Variants in ADIPOR2 observed in about 807,000 individuals in gnomAD.
ADIPOR2 encodes the protein adiponectin receptor protein 2.
In ADIPOR2, 18 loss-of-function variants were observed where a neutral mutation model predicts 40.9. The ratio of observed to expected loss-of-function variants is 0.44; its 90% confidence interval spans 0.30 to 0.65. The LOEUF (loss-of-function observed/expected upper bound fraction) is 0.65, where lower values mean the gene tolerates loss of function less well. Ranked by LOEUF, ADIPOR2 falls within the 30% of genes least tolerant of loss-of-function variation. ADIPOR2 has a pLI of 0.09. For missense variants in ADIPOR2, 283 were observed against 479.2 expected (o/e 0.59, Z 3.82); for synonymous variants, 165 against 166.4 (o/e 0.99, Z 0.06).
chr12:1,783,130 G>T (rs1226447284), intron 6 of ADIPOR2, among the ~76,000 whole-genome samples: 1 of 151,254 alleles, frequency 6.6e-6, no homozygotes, highest in African/African-American at 2.4e-5. Flanking sequence ...GAGCCACTGC[G>T]CCCAGCCTTA....
At position 1,777,834 on chromosome 12, in the gene ADIPOR2, T is replaced by A. The variant is rs758687131; in HGVS notation, c.292-20T>A. ...TGACAACTAAAATCACAAAGATGTT[T>A]GATAATACCTCTCTGCCAGGTATGG... On this transcript the variant is annotated intron_variant, in intron 3 of 7. Coordinates refer to ENST00000357103, the MANE Select transcript of ADIPOR2 (RefSeq NM_024551.3). 1 of 1,597,846 alleles carries A rather than the reference T, an allele frequency of 6.3e-7. No homozygotes were observed. Among genetic ancestry groups the A allele is most frequent in the Non-Finnish European group, 8.5e-7 (1 of 1,171,190 alleles).
At chr12:1,727,998 C>T (rs1265735363) in intron 1 of ADIPOR2, among the ~76,000 whole-genome samples, 1 of 152,128 alleles carries the variant, frequency 6.6e-6, no homozygotes, top group Non-Finnish European at 1.5e-5. Context: ...GCTGAGCTCC[C>T]CTACTTGCTG....
At chr12:1,705,788 A>G (rs1453616548) in intron 1 of ADIPOR2, among the ~76,000 whole-genome samples, 2 of 152,208 alleles carry the variant, frequency 1.3e-5, no homozygotes, top group African/African-American at 4.8e-5. Flanking sequence ...AGCTTTGACC[A>G]CTACCAGTGG....
At chr12:1,730,367 C>T (rs947448864) in intron 1 of ADIPOR2, among the ~76,000 whole-genome samples, 2 of 151,948 alleles carry the variant, frequency 1.3e-5, no homozygotes, top group African/African-American at 4.8e-5. Context: ...CCTGTAATCT[C>T]AGCACTTTGG....
Position 1,772,855 on chromosome 12 carries a change from A to C in ADIPOR2, c.185A>C (p.His62Pro), listed in dbSNP as rs1001713610. ...ATTGCCTTGCAGAGCTCTGAGGAAC[A>C]TGAATACAGTGATGAAGCTCCTCAG... The part of the protein sequence containing the change: ...SSHHKKSSEE[H>P]EYSDEAPQED... The change falls in exon 3 of 8, where the codon CAT becomes CCT. Residue 62 changes from histidine (H) to proline (P), a missense_variant. Transcript: ENST00000357103. The C allele has an allele frequency of 4.3e-6, 7 of 1,612,348 alleles. No individual in the cohort carries two copies. In the Admixed American group the frequency reaches 1.2e-4, roughly 27 times the overall value.
At chr12:1,705,187 A>G (rs1184542805) in intron 1 of ADIPOR2, among the ~76,000 whole-genome samples, 1 of 152,212 alleles carries the variant, frequency 6.6e-6, no homozygotes, top group Non-Finnish European at 1.5e-5. Context: ...TTATCTGAAC[A>G]GATTTTATTT....
intron 1 of ADIPOR2, among the ~76,000 whole-genome samples, chr12:1,711,256 A>G (rs528420490): frequency 2.6e-5 from 4 of 152,242 alleles, no homozygotes; most frequent in African/African-American, 9.6e-5. Context: ...AAATCCTTTG[A>G]GAGTGTGTGG....
chr12:1,719,083 A>G (rs971665606), intron 1 of ADIPOR2, among the ~76,000 whole-genome samples: 2 of 152,054 alleles, frequency 1.3e-5, no homozygotes, highest in Non-Finnish European at 2.9e-5. Flanking sequence ...GCTACCAACT[A>G]TATCTTTTTT....
At chr12:1,732,283 A>G (rs2094722035) in intron 1 of ADIPOR2, among the ~76,000 whole-genome samples, 1 of 152,234 alleles carries the variant, frequency 6.6e-6, no homozygotes, top group African/African-American at 2.4e-5. Flanking sequence ...ATCACAGAAT[A>G]GTTTCACTGC....
Position 1,786,113 on chromosome 12 carries a change from C to G in ADIPOR2, c.*41C>G. 6.3e-7 allele frequency: 1 copy of G among 1,592,862 alleles called. No individual in the cohort carries two copies. Among genetic ancestry groups the G allele is most frequent in the Non-Finnish European group, 8.5e-7 (1 of 1,171,018 alleles). On this transcript the variant is annotated 3_prime_UTR_variant, in exon 8 of 8. Transcript: ENST00000357103. Reference sequence around the variant, plus strand: ...AGGGACTATGACCCTAAACCAGGGCCTGCGGCACTTGCGGGCCTCCCTGCT... The same window carrying G: ...AGGGACTATGACCCTAAACCAGGGCGTGCGGCACTTGCGGGCCTCCCTGCT...
At chr12:1,762,775 A>T (rs1430983065) in intron 2 of ADIPOR2, among the ~76,000 whole-genome samples, 18 of 152,192 alleles carry the variant, frequency 1.2e-4, no homozygotes. Flanking sequence ...ACAGATGAGG[A>T]AACTGAGGTT....
At chr12:1,740,181 A>G (rs1035375867) in intron 1 of ADIPOR2, among the ~76,000 whole-genome samples, 2 of 152,226 alleles carry the variant, frequency 1.3e-5, no homozygotes, top group Non-Finnish European at 2.9e-5. Flanking sequence ...AAACTTTTAG[A>G]TGTAACTTTT....
At chr12:1,784,140 A>C in intron 7 of ADIPOR2, 67 bp downstream of exon 7, 5 of 1,436,094 alleles carry the variant, frequency 3.5e-6, no homozygotes, top group Middle Eastern at 2.6e-4. Flanking sequence ...CTGCAGAGTG[A>C]TGCAATAGAA....
At chr12:1,771,367 C>T (rs1862490750) in intron 2 of ADIPOR2, among the ~76,000 whole-genome samples, 1 of 150,542 alleles carries the variant, frequency 6.6e-6, no homozygotes, top group South Asian at 2.1e-4. Flanking sequence ...ACCCTGGGGT[C>T]TCAAAGAAAA....
chr12:1,702,892 T>C (rs2094653363), intron 1 of ADIPOR2: 1 of 152,246 alleles, frequency 6.6e-6, no homozygotes, highest in African/African-American at 2.4e-5. Context: ...TCAGTTGATC[T>C]CCCTTTTGTG....
At chr12:1,703,682 A>G (rs750423557) in intron 1 of ADIPOR2, among the ~76,000 whole-genome samples, 1 of 152,054 alleles carries the variant, frequency 6.6e-6, no homozygotes, top group Non-Finnish European at 1.5e-5. Context: ...GAGCCACTGC[A>G]CTCCAGTCTG....
At chr12:1,746,877 A>C (rs2094756192) in intron 1 of ADIPOR2, among the ~76,000 whole-genome samples, 1 of 152,178 alleles carries the variant, frequency 6.6e-6, no homozygotes, top group Admixed American at 6.5e-5. Flanking sequence ...AAAAATTAAA[A>C]AATTAGCTGG....
intron 3 of ADIPOR2, among the ~76,000 whole-genome samples, chr12:1,777,097 A>AT (rs747211562): frequency 3.3e-5 from 5 of 152,162 alleles, no homozygotes; most frequent in Non-Finnish European, 5.9e-5. Flanking sequence ...GGAGGGAGAG[A>AT]TTTTAGCAAA....
At chr12:1,726,837 G>T (rs2094709005) in intron 1 of ADIPOR2, among the ~76,000 whole-genome samples, 1 of 152,112 alleles carries the variant, frequency 6.6e-6, no homozygotes, top group African/African-American at 2.4e-5. Flanking sequence ...TTTCCAAAAA[G>T]AAACTCATTA....
Sources: gnomAD v4.1 joint callset for allele counts (sites outside exome capture counted in the v4.1 genomes callset) on GRCh38, gnomAD v4.1.1 for gene constraint, MANE v1.5 for transcripts, NCBI Gene and HGNC (gene_info 2026-07-23, HGNC 2026-07-21) for gene names.